ABCC9: variants seen among roughly 807,000 people sequenced by gnomAD.
The protein encoded by ABCC9 is ATP binding cassette subfamily C member 9.
ABCC9 carries 95 observed loss-of-function variants against 188.3 expected under a neutral mutation model. The ratio of observed to expected loss-of-function variants is 0.50; its 90% CI spans 0.43 to 0.60. The LOEUF (loss-of-function observed/expected upper bound fraction) is 0.60. ABCC9 is among the 20% of genes least tolerant of loss of function. The pLI, the probability that ABCC9 is intolerant of heterozygous loss-of-function variation, is 0.00. For synonymous variants in ABCC9, 659 were observed against 652.7 expected (o/e 1.01, Z -0.15); for missense variants, 1,102 against 1,876.3 (o/e 0.59, Z 7.62).
At chr12:21,816,902 A>G (rs951061147) in intron 33 of ABCC9, among the ~76,000 whole-genome samples, 4 of 152,206 alleles carry the variant, frequency 2.6e-5, no homozygotes, top group Admixed American at 6.5e-5. Flanking sequence ...AAGGGAATAT[A>G]GTAGTTTATA....
At chr12:21,908,700 A>G (rs901095882) in intron 10 of ABCC9, among the ~76,000 whole-genome samples, 6 of 152,002 alleles carry the variant, frequency 3.9e-5, no homozygotes, top group African/African-American at 1.4e-4. Flanking sequence ...TCTGTGGACT[A>G]AAGGAATGAG....
chr12:21,870,231 G>A (rs1946000086), intron 18 of ABCC9, among the ~76,000 whole-genome samples: 1 of 151,522 alleles, frequency 6.6e-6, no homozygotes, highest in Admixed American at 6.6e-5. Context: ...CTTTTTATAA[G>A]GTATATGGAA....
intron 7 of ABCC9, 27 bp downstream of exon 7, chr12:21,915,641 G>A (rs1451165954): frequency 1.2e-6 from 2 of 1,607,772 alleles, no homozygotes. Context: ...CTGTAATTAA[G>A]CACATGGAAG....
chr12:21,882,905 A>C, intron 15 of ABCC9, 32 bp from the exon 16 acceptor site: 2 of 1,549,650 alleles, frequency 1.3e-6, no homozygotes, highest in Non-Finnish European at 1.8e-6. Context: ...ACACAAGTTG[A>C]GGCTTTATTA....
rs771455906 is a variant in ABCC9, at chr12:21,887,952, C to T, written c.1803-18G>A. The T allele has an allele frequency of 1.1e-5, 17 of 1,571,968 alleles. No individual in the cohort carries two copies. The highest frequency in any genetic ancestry group is 1.4e-5 in the Non-Finnish European group (16 of 1,141,994). On this transcript the variant is annotated intron_variant, in intron 14 of 39. Coordinates refer to ENST00000261200, the MANE Select transcript of ABCC9 (RefSeq NM_020297.4). ...TTTGAACACTGCAAAAAACAATAAA[C>T]ACAGAATAAGAGTTAACAATAAAAC...
chr12:21,812,006 C>A, intron 36 of ABCC9, 43 bp downstream of exon 36: 2 of 1,399,666 alleles, frequency 1.4e-6, no homozygotes, highest in Non-Finnish European at 1.0e-6. Context: ...GAGTCAAAGG[C>A]TAAATCCTAA....
intron 33 of ABCC9, 22 bp downstream of exon 33, chr12:21,817,165 C>A (rs2137186884): frequency 6.2e-7 from 1 of 1,610,400 alleles, no homozygotes; most frequent in Non-Finnish European, 8.5e-7. Flanking sequence ...TTAAGTGAGA[C>A]AAACAATATT....
At chr12:21,924,680 C>G (rs1462531332) in intron 5 of ABCC9, 1 of 151,946 alleles carries the variant, frequency 6.6e-6, no homozygotes, top group Non-Finnish European at 1.5e-5. Context: ...TATAACCTTT[C>G]TTTTTACCAT....
rs117842455 is a variant in ABCC9 at position 21,879,091 on chromosome 12, C to T, written c.2020-3365G>A. 7.2e-3 allele frequency among the ~76,000 whole-genome samples: 1,092 copies of T among 152,266 alleles called. 3 individuals carry two copies. Among genetic ancestry groups the T allele is most frequent in the Non-Finnish European group, 0.011 (751 of 68,026 alleles). Reference sequence around the variant, plus strand: ...TCACTAGGGGATAAGTAAAATGCAGCGACACATTCTACAAGATACAATGGT... The same window carrying T: ...TCACTAGGGGATAAGTAAAATGCAGTGACACATTCTACAAGATACAATGGT... On this transcript the variant is annotated intron_variant, in intron 16 of 39. Transcript: ENST00000261200.
intron 30 of ABCC9, among the ~76,000 whole-genome samples, chr12:21,837,044 G>T (rs1944139580): frequency 6.6e-6 from 1 of 152,012 alleles, no homozygotes; most frequent in Non-Finnish European, 1.5e-5. Context: ...GTACTCAAAT[G>T]TTTCTTAAAT....
intron 18 of ABCC9, among the ~76,000 whole-genome samples, chr12:21,868,759 T>TA (rs1189842914): frequency 6.6e-6 from 1 of 151,960 alleles, no homozygotes; most frequent in Admixed American, 6.6e-5. Flanking sequence ...TTTTGAGCTT[T>TA]AAAAAAAACG....
chr12:21,920,617 T>C (rs1205263330), intron 5 of ABCC9, among the ~76,000 whole-genome samples: 1 of 151,996 alleles, frequency 6.6e-6, no homozygotes, highest in Non-Finnish European at 1.5e-5. Context: ...AAATTATTAT[T>C]GACTGTAGCC....
intron 14 of ABCC9, among the ~76,000 whole-genome samples, chr12:21,892,905 A>G (rs1056521858): frequency 6.6e-6 from 1 of 152,172 alleles, no homozygotes; most frequent in African/African-American, 2.4e-5. Context: ...TGTTTCCGTC[A>G]ATTGCAACAT....
At chr12:21,918,229 TAA>T (rs939625668) in intron 5 of ABCC9, among the ~76,000 whole-genome samples, 9 of 151,984 alleles carry the variant, frequency 5.9e-5, no homozygotes, top group South Asian at 2.1e-4. Context: ...TTAATAATAA[TAA>T]AAGTGTCCAG....
intron 7 of ABCC9, among the ~76,000 whole-genome samples, chr12:21,913,599 T>C (rs1948418464): frequency 6.6e-6 from 1 of 152,186 alleles, no homozygotes. Context: ...GTATTTCTTA[T>C]CTCCCTGAAT....
At chr12:21,893,124 G>A (rs704215) in intron 14 of ABCC9, among the ~76,000 whole-genome samples, 102,833 of 151,830 alleles carry the variant, frequency 0.68, 35,050 homozygotes, top group Middle Eastern at 0.82. Flanking sequence ...CATATAGACT[G>A]TCGTATAGGC....
intron 30 of ABCC9, 91 bp downstream of exon 30, chr12:21,837,987 C>T: frequency 8.9e-7 from 1 of 1,121,208 alleles, no homozygotes; most frequent in Non-Finnish European, 1.3e-6. Context: ...GGAGATCAAA[C>T]AAAATGAAAG....
chr12:21,912,013 G>C (rs964426404), intron 8 of ABCC9, among the ~76,000 whole-genome samples: 1 of 151,954 alleles, frequency 6.6e-6, no homozygotes, highest in Non-Finnish European at 1.5e-5. Flanking sequence ...CTAAGTAACA[G>C]GCTTCAGTAA....
intron 7 of ABCC9, among the ~76,000 whole-genome samples, chr12:21,915,302 ATATATATATAATGTG>A (rs1332417494): frequency 1.7e-4 from 11 of 63,690 alleles, no homozygotes; most frequent in South Asian, 4.7e-4. Context: ...ATACATGTGT[ATATATATATAATGTG>A]TATATATGTG....
Sources: allele counts gnomAD v4.1 joint callset (sites outside exome capture counted in the v4.1 genomes callset), GRCh38; gene constraint gnomAD v4.1.1; transcripts MANE v1.5; gene names NCBI Gene and HGNC (gene_info 2026-07-23, HGNC 2026-07-21).